Variants in AZI2 observed in about 807,000 individuals in gnomAD.
AZI2 encodes 5-azacytidine-induced protein 2.
A neutral mutation model predicts 45.8 loss-of-function variants in AZI2; 22 were observed. The ratio of observed to expected loss-of-function variants is 0.48; its 90% CI spans 0.34 to 0.69. AZI2 has a LOEUF of 0.69. Ranked by LOEUF, AZI2 falls within the 30% of genes least tolerant of loss-of-function variation. AZI2 has a pLI of 0.01. For synonymous variants in AZI2, 137 were observed against 156.7 expected, an observed-to-expected ratio of 0.87 and a Z score of 0.94; for missense variants, 417 against 441.5, an observed-to-expected ratio of 0.94 and a Z score of 0.50.
chr3:28,338,462 T>C, intron 3 of AZI2, 31 bp downstream of exon 3: 1 of 1,499,434 alleles, frequency 6.7e-7, no homozygotes, highest in Non-Finnish European at 9.0e-7. Flanking sequence ...ATTTCCAAAA[T>C]GCAGATGTCA....
At position 28,324,269 on chromosome 3, in the gene AZI2, A is replaced by T; in HGVS notation, c.952T>A (p.Ser318Thr). Reference sequence around the variant, plus strand: ...ATGGATCTCTCATTGTCTGTCCATGATTGGAGGATTGCTTTCTCTGATAAA... The same window carrying T: ...ATGGATCTCTCATTGTCTGTCCATGTTTGGAGGATTGCTTTCTCTGATAAA... The part of the protein sequence containing the change: ...KVLSEKAILQ[S>T]WTDNERSIPN... The change falls in exon 8 of 8, where the codon TCA becomes ACA. Residue 318 changes from serine (S) to threonine (T), a missense_variant. Coordinates refer to ENST00000479665, the MANE Select transcript of AZI2 (RefSeq NM_022461.5). The T allele has an allele frequency of 6.2e-7, 1 of 1,609,226 alleles. No individual in the cohort carries two copies.
At chr3:28,347,787 T>C (rs1276266025) in intron 1 of AZI2, among the ~76,000 whole-genome samples, 1 of 152,214 alleles carries the variant, frequency 6.6e-6, no homozygotes, top group Non-Finnish European at 1.5e-5. Context: ...GATGATGAAA[T>C]GATCACAAGA....
At position 28,339,365 on chromosome 3, in the gene AZI2, G is replaced by A. The variant is rs190160791; in HGVS notation, c.217-750C>T. 3.3e-5 allele frequency among the ~76,000 whole-genome samples: 5 copies of A among 152,108 alleles called. No homozygotes were observed. In the East Asian group the frequency reaches 7.7e-4, roughly 23 times the overall value. ...CAGGATAGGAATTAATAGGATTGTT[G>A]GTCATGAAGTACAGAAATATTTCCA... is the stretch of plus-strand genomic sequence containing the variant. On this transcript the variant is annotated intron_variant, in intron 2 of 7. Coordinates refer to ENST00000479665, the MANE Select transcript of AZI2 (RefSeq NM_022461.5).
At position 28,327,546 on chromosome 3, in the gene AZI2, C is replaced by A. The variant is rs141291449; in HGVS notation, c.648-596G>T. Among the ~76,000 whole-genome samples the A allele has an allele frequency of 2.3e-4, 34 of 150,948 alleles. 2 individuals are homozygous for A. In the East Asian group the frequency reaches 6.6e-3, roughly 29 times the overall value. On this transcript the variant is annotated intron_variant, in intron 6 of 7. Coordinates refer to ENST00000479665, the MANE Select transcript of AZI2 (RefSeq NM_022461.5). ...AAGACATGAAGAGCCAGATGATTTC[C>A]TGGTAAGGAAAAAGAAGCTAGAGAG... is the stretch of plus-strand genomic sequence containing the variant.
chr3:28,334,736 C>G (rs529666828), intron 5 of AZI2, among the ~76,000 whole-genome samples: 1 of 151,996 alleles, frequency 6.6e-6, no homozygotes, highest in South Asian at 2.1e-4. Flanking sequence ...CTAGCACCAT[C>G]TAGTGGAAAA....
At chr3:28,327,109 T>C (rs1703417669) in intron 6 of AZI2, 159 bp from the exon 7 acceptor site, 2 of 566,272 alleles carry the variant, frequency 3.5e-6, no homozygotes, top group Non-Finnish European at 6.3e-6. Context: ...AGGGCATTAA[T>C]AAGTGAAAAG....
intron 5 of AZI2, 103 bp downstream of exon 5, chr3:28,336,634 T>C: frequency 4.9e-6 from 6 of 1,226,382 alleles, no homozygotes; most frequent in Non-Finnish European, 6.6e-6. Context: ...TCTAAATAAT[T>C]ACAATTTATT....
In AZI2 at chr3:28,348,775, G is replaced by T. The variant is rs776556232; in HGVS notation, c.-180C>A. 1.1e-5 allele frequency: 2 copies of T among 183,660 alleles called. No homozygotes were observed. The highest frequency in any genetic ancestry group is 2.1e-5 in the Non-Finnish European group (2 of 96,400). The allele number at this position is 183,660 out of a possible 1,614,324, so 11.4% of individuals were successfully genotyped here. ...AGCTGCTCCGGGCACGTCGCGGAGG[G>T]AGTCCCATTTCTTCTGACTCGGCAG... On this transcript the variant is annotated 5_prime_UTR_variant, in exon 1 of 8. Coordinates refer to ENST00000479665, the MANE Select transcript of AZI2 (RefSeq NM_022461.5).
chr3:28,340,495 A>G lies in AZI2; in HGVS notation c.123T>C (p.Leu41=). Residue 41 remains leucine (L), a synonymous_variant, in exon 2 of 8, where the codon CTT becomes CTC. Coordinates refer to ENST00000479665, the MANE Select transcript of AZI2 (RefSeq NM_022461.5). ...GDESVASHFA[L]VTAYEDIKKR... ...TTTTGATGTCTTCATATGCAGTGAC[A>G]AGAGCAAAATGGGAAGCAACAGATT... The G allele has an allele frequency of 6.2e-7, 1 of 1,613,224 alleles. No individual in the cohort carries two copies. Among genetic ancestry groups the G allele is most frequent in the Non-Finnish European group, 8.5e-7 (1 of 1,179,436 alleles).
chr3:28,331,712 A>T, intron 6 of AZI2: 1 of 1,348,908 alleles, frequency 7.4e-7, no homozygotes, highest in Non-Finnish European at 9.6e-7. Context: ...TTTTTATTGG[A>T]TGGAGGGTAA....
At chr3:28,338,148 T>G in intron 3 of AZI2, 112 bp from the exon 4 acceptor site, 1 of 548,368 alleles carries the variant, frequency 1.8e-6, no homozygotes, top group Non-Finnish European at 2.9e-6. Context: ...AAAAGCAAGG[T>G]GACAAAATGA....
chr3:28,331,971 C>CAAA (rs3217694), intron 6 of AZI2: 3 of 1,378,018 alleles, frequency 2.2e-6, no homozygotes, highest in Non-Finnish European at 2.0e-6. Flanking sequence ...AAACAAAAAA[C>CAAA]AAAAAAAAAT....
Position 28,322,752 on chromosome 3 carries a change from T to TAAG in AZI2, c.*1287_*1289dup, listed in dbSNP as rs1703225651. The TAAG allele has an allele frequency of 6.6e-6, 1 of 151,588 alleles. No homozygotes were observed. Among genetic ancestry groups the TAAG allele is most frequent in the South Asian group, 2.1e-4 (1 of 4,830 alleles). The allele number at this position is 151,588 out of a possible 1,614,324, so 9.4% of individuals were successfully genotyped here. ...AATCACAGACAAGCTTGAATAAGTG[T>TAAG]AAGATAATAGAAAAAAATATCTAGT... is the stretch of plus-strand genomic sequence containing the variant. On this transcript the variant is annotated 3_prime_UTR_variant, in exon 8 of 8. Coordinates refer to ENST00000479665, the MANE Select transcript of AZI2 (RefSeq NM_022461.5).
chr3:28,343,814 C>A (rs1704122271), intron 1 of AZI2, among the ~76,000 whole-genome samples: 1 of 151,922 alleles, frequency 6.6e-6, no homozygotes, highest in South Asian at 2.1e-4. Flanking sequence ...AATCTAGGAA[C>A]CCCTCAGAAG....
At chr3:28,335,632 ATTATTC>A (rs1474990431) in intron 5 of AZI2, among the ~76,000 whole-genome samples, 5 of 152,004 alleles carry the variant, frequency 3.3e-5, no homozygotes, top group African/African-American at 1.2e-4. Flanking sequence ...AGACTGCTAT[ATTATTC>A]TTAATGTCTG....
chr3:28,323,729 T>C lies in AZI2; in HGVS notation c.*313A>G, dbSNP rs1703267217. ...GTAAAACCACGTCTACAATCTCCAA[T>C]TCCATTCTTCTGAGAGGCAAAATTT... On this transcript the variant is annotated 3_prime_UTR_variant, in exon 8 of 8. Transcript: ENST00000479665. 2 of 203,198 alleles carry C rather than the reference T, an allele frequency of 9.8e-6. No individual in the cohort carries two copies. The highest frequency in any genetic ancestry group is 2.0e-5 in the Non-Finnish European group (2 of 102,162). 12.6% of individuals were successfully genotyped at this position (203,198 alleles called of 1,614,324 possible). A position where few individuals can be genotyped will look rare whatever the true frequency, so the allele number is the denominator to read the frequency against.
intron 6 of AZI2, among the ~76,000 whole-genome samples, chr3:28,329,002 G>A (rs1703485041): frequency 6.6e-6 from 1 of 151,106 alleles, no homozygotes; most frequent in Non-Finnish European, 1.5e-5. Flanking sequence ...CCTCACCGCA[G>A]TTCCCCAACT....
chr3:28,325,742 C>G (rs1457055317), intron 7 of AZI2, among the ~76,000 whole-genome samples: 1 of 150,916 alleles, frequency 6.6e-6, no homozygotes, highest in African/African-American at 2.4e-5. Flanking sequence ...TCTGTGAGTC[C>G]CTTTATAGAG....
intron 6 of AZI2, 134 bp from the exon 7 acceptor site, chr3:28,327,084 G>C: frequency 3.2e-6 from 2 of 622,774 alleles, no homozygotes; most frequent in South Asian, 4.0e-5. Flanking sequence ...AAAAACAATT[G>C]AAAGATATTT....
Sources: allele counts gnomAD v4.1 joint callset (sites outside exome capture counted in the v4.1 genomes callset), GRCh38; gene constraint gnomAD v4.1.1; transcripts MANE v1.5; gene names NCBI Gene and HGNC (gene_info 2026-07-23, HGNC 2026-07-21).